The following MCF2L variants were observed in gnomAD, a reference collection of about 807,000 sequenced individuals.
The protein encoded by MCF2L is guanine nucleotide exchange factor DBS.
Under a neutral mutation model 153.4 loss-of-function variants are expected in MCF2L, and 97 were observed. That is an observed-to-expected ratio of 0.63 (90% confidence interval 0.54 to 0.75). The LOEUF (loss-of-function observed/expected upper bound fraction) is 0.75, where lower values mean the gene tolerates loss of function less well. Among genes scored for constraint, MCF2L ranks in the 30% least tolerant of loss-of-function variants. MCF2L has a pLI of 0.00. For synonymous variants in MCF2L, 659 were observed against 632.2 expected, an observed-to-expected ratio of 1.04 and a Z score of -0.64; for missense variants, 1,347 against 1,495.2, an observed-to-expected ratio of 0.90 and a Z score of 1.64.
At chr13:112,902,469 C>A in intron 2 of MCF2L, 1 of 1,280,766 alleles carries the variant, frequency 7.8e-7, no homozygotes, top group Non-Finnish European at 1.1e-6. Flanking sequence ...TAGAGATTGA[C>A]AAGGTTTAGA....
intron 1 of MCF2L, among the ~76,000 whole-genome samples, chr13:113,011,437 C>G (rs2084090188): frequency 6.6e-6 from 1 of 151,748 alleles, no homozygotes; most frequent in Non-Finnish European, 1.5e-5. Context: ...GGACGGTGGA[C>G]AGGTGGTGTG....
Position 113,083,182 on chromosome 13 carries a change from A to T in MCF2L, c.1991+640A>T, listed in dbSNP as rs57377964. Among the ~76,000 whole-genome samples, 570 of 152,246 alleles carry T rather than the reference A, an allele frequency of 3.7e-3. 7 individuals are homozygous for T. The highest frequency in any genetic ancestry group is 0.013 in the African/African-American group (524 of 41,550). On this transcript the variant is annotated intron_variant, in intron 17 of 29. Transcript: ENST00000535094. ...CAGTGCAGAATGCCAGGGAGGCTGCAGTGGACAGCCCCCGCTGCGTGTCCT... is the reference window on the plus strand; with the variant it reads ...CAGTGCAGAATGCCAGGGAGGCTGCTGTGGACAGCCCCCGCTGCGTGTCCT...
intron 13 of MCF2L, among the ~76,000 whole-genome samples, 200 bp downstream of exon 13, chr13:113,077,411 C>A (rs1249368224): frequency 6.6e-6 from 1 of 152,236 alleles, no homozygotes; most frequent in Non-Finnish European, 1.5e-5. Context: ...GGAGTTTTGT[C>A]AGGACCCGGC....
At chr13:112,970,768 A>G (rs937997814) in intron 1 of MCF2L, among the ~76,000 whole-genome samples, 1 of 152,138 alleles carries the variant, frequency 6.6e-6, no homozygotes, top group Non-Finnish European at 1.5e-5. Flanking sequence ...CATGAGCTCC[A>G]AGAGACATGT....
intron 1 of MCF2L, among the ~76,000 whole-genome samples, chr13:112,977,646 C>T (rs970430058): frequency 6.6e-6 from 1 of 152,172 alleles, no homozygotes. Flanking sequence ...GTTCCGATTT[C>T]CTTGACTTCC....
intron 2 of MCF2L, 60 bp downstream of exon 2, chr13:113,014,906 G>C: frequency 1.3e-6 from 2 of 1,516,796 alleles, no homozygotes; most frequent in Non-Finnish European, 1.8e-6. Context: ...GGTGTGGGCC[G>C]AGCAGCCCCC....
chr13:113,002,078 C>T, intron 1 of MCF2L: 2 of 1,364,452 alleles, frequency 1.5e-6, no homozygotes, highest in South Asian at 3.3e-5. Flanking sequence ...CTGGGCCCAG[C>T]CCTGTCCTCA....
intron 2 of MCF2L, among the ~76,000 whole-genome samples, chr13:112,955,599 G>GTT (rs2081747582): frequency 1.3e-5 from 2 of 152,150 alleles, no homozygotes; most frequent in African/African-American, 4.8e-5. Flanking sequence ...ACTCCCTCAA[G>GTT]GTCACCCCCT....
intron 26 of MCF2L, chr13:113,091,314 G>A (rs1285246334): frequency 2.4e-6 from 2 of 831,230 alleles, no homozygotes; most frequent in Admixed American, 2.8e-5. Flanking sequence ...TCTTTATGCT[G>A]CGGAGGCAGA....
chr13:113,077,316 C>T, intron 13 of MCF2L, 105 bp downstream of exon 13: 1 of 1,286,094 alleles, frequency 7.8e-7, no homozygotes, highest in East Asian at 2.6e-5. Context: ...AAACTGTCTC[C>T]ACACGCCTCC....
At chr13:112,937,955 C>A (rs1473723304) in intron 2 of MCF2L, among the ~76,000 whole-genome samples, 1 of 75,514 alleles carries the variant, frequency 1.3e-5, no homozygotes. Flanking sequence ...TTGGTTTATT[C>A]AGGTGATCTC....
At chr13:112,969,209 G>T, upstream of MCF2L, 1 of 1,144,222 alleles carries the variant, frequency 8.7e-7, no homozygotes, top group Non-Finnish European at 1.1e-6. The surrounding 1 kb of genome is among the most constrained non-coding windows in gnomAD (Gnocchi z 4.8). Context: ...CCCCCTCCCG[G>T]TGGCGCGGAA....
In MCF2L at chr13:112,969,592, G is replaced by A. The variant is rs2081972320; in HGVS notation, c.79+134G>A. ...AGCCGTGGTAGCTGTGACATGGGGG[G>A]CACTGGTTGGCAGCTGGTGTGTTTT... On this transcript the variant is annotated intron_variant, in intron 1 of 29. Transcript: ENST00000535094. The surrounding 1 kb of genome is among the most constrained non-coding windows in gnomAD (Gnocchi z 4.8). 6.9e-7 allele frequency: 1 copy of A among 1,447,300 alleles called. No homozygotes were observed. The highest frequency in any genetic ancestry group is 2.1e-5 in the Admixed American group (1 of 48,114). The allele number at this position is 1,447,300 out of a possible 1,614,324, so 89.7% of individuals were successfully genotyped here.
chr13:112,994,797 T>C (rs2083053452), intron 1 of MCF2L, among the ~76,000 whole-genome samples: 2 of 151,988 alleles, frequency 1.3e-5, no homozygotes, highest in Admixed American at 1.3e-4. Context: ...ACAGGTCGGG[T>C]AGAGTGAGTC....
intron 1 of MCF2L, among the ~76,000 whole-genome samples, chr13:113,005,111 A>G (rs530410034): frequency 7.2e-5 from 11 of 152,342 alleles, no homozygotes; most frequent in African/African-American, 2.4e-4. Flanking sequence ...GGGCGCGTGA[A>G]GATGATGTGG....
intron 3 of MCF2L, among the ~76,000 whole-genome samples, chr13:113,032,591 C>T (rs188819146): frequency 6.6e-6 from 1 of 152,214 alleles, no homozygotes; most frequent in Admixed American, 6.5e-5. Context: ...TGTTTTGAGA[C>T]AGGGTCTTGC....
At chr13:112,936,484 C>T (rs12871792) in intron 2 of MCF2L, among the ~76,000 whole-genome samples, 25,928 of 151,956 alleles carry the variant, frequency 0.17, 2,389 homozygotes, top group African/African-American at 0.24. Flanking sequence ...GGGTGAAAGG[C>T]TTTGATCTAA....
At chr13:113,009,156 G>T (rs1236523163) in intron 1 of MCF2L, 2 of 152,296 alleles carry the variant, frequency 1.3e-5, no homozygotes, top group African/African-American at 2.4e-5. Flanking sequence ...CCCCACGTGG[G>T]AGTCCGCCGG....
chr13:112,914,796 T>C (rs1210635300), intron 2 of MCF2L, among the ~76,000 whole-genome samples: 2 of 152,250 alleles, frequency 1.3e-5, no homozygotes, highest in Non-Finnish European at 2.9e-5. Flanking sequence ...CTAGGCGCTT[T>C]TCATAAATTA....
Sources: allele counts gnomAD v4.1 joint callset (sites outside exome capture counted in the v4.1 genomes callset), GRCh38; gene constraint gnomAD v4.1.1; non-coding constraint Gnocchi (gnomAD v3.1); transcripts MANE v1.5; gene names NCBI Gene and HGNC (gene_info 2026-07-23, HGNC 2026-07-21).